Variants in FANCB observed in about 807,000 individuals in gnomAD.
The protein encoded by FANCB is Fanconi anemia group B protein.
FANCB carries 5 observed loss-of-function variants against 38.9 expected under a neutral mutation model. That is an observed-to-expected ratio of 0.13 (90% CI 0.07 to 0.27). FANCB has a LOEUF of 0.27. FANCB is among the 10% of genes least tolerant of loss of function. FANCB has a pLI of 1.00. For missense variants in FANCB, 573 were observed against 602.7 expected (o/e 0.95, Z 0.52); for synonymous variants, 236 against 215.4 (o/e 1.10, Z -0.84).
At chrX:14,739,175 A>T in the FANCB span, among the ~76,000 whole-genome samples, 1 of 111,986 alleles carries the variant, frequency 8.9e-6, no homozygotes, top group Non-Finnish European at 1.9e-5. Flanking sequence ...ATATTTTTTC[A>T]TAGATTATAA....
chrX:14,750,775 A>G, the FANCB span, among the ~76,000 whole-genome samples: 1 of 111,081 alleles, frequency 9.0e-6, no homozygotes, highest in African/African-American at 3.3e-5. Flanking sequence ...AGTGTTATCA[A>G]TAAAACAAAT....
At chrX:14,806,424 G>A in the FANCB span, among the ~76,000 whole-genome samples, 8 of 111,952 alleles carry the variant, frequency 7.1e-5, no homozygotes, top group African/African-American at 2.3e-4. Context: ...ATGGCACTTT[G>A]TGTTTGTGCA....
At chrX:14,763,527 T>C in the FANCB span, among the ~76,000 whole-genome samples, 1 of 111,889 alleles carries the variant, frequency 8.9e-6, no homozygotes, top group Non-Finnish European at 1.9e-5. Context: ...AGAAGCACGG[T>C]GGGTCACAAG....
At chrX:14,780,180 A>G in the FANCB span, among the ~76,000 whole-genome samples, 2 of 111,016 alleles carry the variant, frequency 1.8e-5, no homozygotes, top group Non-Finnish European at 3.8e-5. Flanking sequence ...TACCTCTATA[A>G]GAAGCTAATT....
chrX:14,721,023 G>A, the FANCB span, among the ~76,000 whole-genome samples: 1 of 108,458 alleles, frequency 9.2e-6, no homozygotes, highest in Non-Finnish European at 1.9e-5. Context: ...GGGAGGCTAA[G>A]GCAGGAGGAT....
At chrX:14,856,841 G>A (rs974979333) in intron 5 of FANCB, among the ~76,000 whole-genome samples, 17 of 111,704 alleles carry the variant, frequency 1.5e-4, no homozygotes, top group African/African-American at 5.2e-4. Context: ...AATCAAATGC[G>A]AGTAAAAACT....
the FANCB span, among the ~76,000 whole-genome samples, chrX:14,771,945 C>G: frequency 9.0e-6 from 1 of 111,616 alleles, no homozygotes; most frequent in Non-Finnish European, 1.9e-5. Context: ...GTGAAGGCTT[C>G]AAAACAGCAA....
chrX:14,691,716 T>C, the FANCB span, among the ~76,000 whole-genome samples: 1 of 112,055 alleles, frequency 8.9e-6, no homozygotes, highest in Admixed American at 9.5e-5. Context: ...AGCACTGTTC[T>C]GGTTTATAAC....
chrX:14,768,053 T>C, the FANCB span, among the ~76,000 whole-genome samples: 1 of 112,065 alleles, frequency 8.9e-6, no homozygotes, highest in Non-Finnish European at 1.9e-5. Context: ...TCTGTTCTTA[T>C]ACCAGTACCA....
At chrX:14,730,757 A>T in the FANCB span, 1 of 312,485 alleles carries the variant, frequency 3.2e-6, no homozygotes, top group African/African-American at 2.6e-5. Flanking sequence ...CAGACATGAT[A>T]TGCGCAACAT....
the FANCB span, among the ~76,000 whole-genome samples, chrX:14,811,168 A>G: frequency 9.9e-5 from 11 of 111,008 alleles, no homozygotes; most frequent in Admixed American, 1.0e-3. Context: ...TGAAGGAAGC[A>G]CTAAACATGG....
the FANCB span, among the ~76,000 whole-genome samples, chrX:14,797,016 A>C: frequency 9.0e-6 from 1 of 111,714 alleles, no homozygotes; most frequent in Non-Finnish European, 1.9e-5. Context: ...GTCTTCAATC[A>C]ATCAGATGAG....
the FANCB span, among the ~76,000 whole-genome samples, chrX:14,791,920 G>C: frequency 9.0e-6 from 1 of 111,592 alleles, no homozygotes; most frequent in Non-Finnish European, 1.9e-5. Flanking sequence ...AATTACATTT[G>C]TTAACACATT....
the FANCB span, among the ~76,000 whole-genome samples, chrX:14,735,047 C>T: frequency 2.8e-5 from 3 of 108,529 alleles, no homozygotes; most frequent in South Asian, 8.3e-4. Flanking sequence ...GTATACTTCA[C>T]GAAGTTCTCA....
At chrX:14,739,786 G>A in the FANCB span, among the ~76,000 whole-genome samples, 1 of 111,868 alleles carries the variant, frequency 8.9e-6, no homozygotes, top group African/African-American at 3.2e-5. Context: ...TTCTACTCTG[G>A]GTGCAAATGC....
intron 4 of FANCB, among the ~76,000 whole-genome samples, chrX:14,858,193 AC>A (rs2092431079): frequency 9.0e-6 from 1 of 111,049 alleles, no homozygotes. Context: ...GGAGTTCCAG[AC>A]CAGCCTGCCC....
At chrX:14,811,069 C>T in the FANCB span, among the ~76,000 whole-genome samples, 185 of 110,895 alleles carry the variant, frequency 1.7e-3, no homozygotes, top group Non-Finnish European at 2.8e-3. Flanking sequence ...CCAAAGTAAG[C>T]TTCATAAGTG....
chrX:14,810,419 A>G, the FANCB span, among the ~76,000 whole-genome samples: 6 of 112,001 alleles, frequency 5.4e-5, no homozygotes, highest in East Asian at 1.4e-3. Flanking sequence ...AAACTTTGAA[A>G]AAAATTTAGA....
chrX:14,715,121 C>A, the FANCB span, among the ~76,000 whole-genome samples: 3 of 112,096 alleles, frequency 2.7e-5, no homozygotes, highest in African/African-American at 9.7e-5. Context: ...CATTTGTTTT[C>A]CTTGCAAATA....
Sources: gnomAD v4.1 joint callset for allele counts (sites outside exome capture counted in the v4.1 genomes callset) on GRCh38, gnomAD v4.1.1 for gene constraint, MANE v1.5 for transcripts, NCBI Gene and HGNC (gene_info 2026-07-23, HGNC 2026-07-21) for gene names.